ESCO1: variants seen among roughly 807,000 people sequenced by gnomAD.
ESCO1 encodes the protein establishment of sister chromatid cohesion N-acetyltransferase 1.
Under a neutral mutation model 83.5 loss-of-function variants are expected in ESCO1, and 33 were observed. The observed-to-expected ratio is 0.40, with a 90% CI of 0.30 to 0.53. The LOEUF is 0.53. Among genes scored for constraint, ESCO1 ranks in the 20% least tolerant of loss-of-function variants. The pLI, the probability that ESCO1 is intolerant of heterozygous loss-of-function variation, is 0.63. For synonymous variants in ESCO1, 332 were observed against 324.3 expected, an observed-to-expected ratio of 1.02 and a Z score of -0.25; for missense variants, 855 against 968.0, an observed-to-expected ratio of 0.88 and a Z score of 1.55.
chr18:21,571,818 A>G (rs190338274), intron 4 of ESCO1, among the ~76,000 whole-genome samples: 2 of 152,324 alleles, frequency 1.3e-5, no homozygotes, highest in African/African-American at 4.8e-5. Context: ...CTCACTACTT[A>G]TTTCTAATTA....
At chr18:21,534,057 A>G (rs1187593990) in intron 10 of ESCO1, among the ~76,000 whole-genome samples, 1 of 152,216 alleles carries the variant, frequency 6.6e-6, no homozygotes, top group African/African-American at 2.4e-5. Context: ...CTGGGACTAC[A>G]GGTGCCACCA....
Position 21,530,460 on chromosome 18 carries a change from G to T in ESCO1, c.2406C>A (p.Ser802Arg). 1 of 1,461,692 alleles carries T rather than the reference G, an allele frequency of 6.8e-7. No homozygotes were observed. Among genetic ancestry groups the T allele is most frequent in the South Asian group, 1.1e-5 (1 of 88,044 alleles). 90.5% of individuals were successfully genotyped at this position (1,461,692 alleles called of 1,614,324 possible). A position where few individuals can be genotyped will look rare whatever the true frequency, so the allele number is the denominator to read the frequency against. ...RSNFIYGSYLSKEEIAFSDPT... is the reference protein window; with the variant it reads ...RSNFIYGSYLRKEEIAFSDPT... ...GATCTGAGAAAGCAATTTCTTCTTTGCTCAAATATGAGCCATATATAAAGT... is the reference window on the plus strand; with the variant it reads ...GATCTGAGAAAGCAATTTCTTCTTTTCTCAAATATGAGCCATATATAAAGT... The change falls in exon 12 of 12, where the codon AGC (serine) becomes AGA (arginine). Residue 802 changes from serine to arginine, a missense_variant. Physicochemically the swap from Ser to Arg is moderately radical, Grantham distance 110. This residue lies in a region of ESCO1 where 129 missense variants were observed against 268.5 expected (regional missense o/e 0.48). Coordinates refer to ENST00000269214, the MANE Select transcript of ESCO1 (RefSeq NM_052911.3).
At chr18:21,561,837 G>A (rs769251645) in intron 7 of ESCO1, among the ~76,000 whole-genome samples, 3 of 152,034 alleles carry the variant, frequency 2.0e-5, no homozygotes, top group African/African-American at 4.8e-5. Context: ...TAAAGTGCTA[G>A]GATTACAGGT....
intron 8 of ESCO1, among the ~76,000 whole-genome samples, chr18:21,553,383 G>C (rs866865108): frequency 2.8e-5 from 4 of 142,330 alleles, no homozygotes; most frequent in Admixed American, 2.3e-4. Flanking sequence ...AAGGCAGGTG[G>C]ATCACTTGCA....
chr18:21,597,869 C>G (rs1175185664), intron 1 of ESCO1, among the ~76,000 whole-genome samples: 3 of 152,128 alleles, frequency 2.0e-5, no homozygotes, highest in African/African-American at 7.2e-5. Context: ...TATGCCCCTT[C>G]CCCTCAGGAA....
chr18:21,540,551 A>G (rs775518432), intron 8 of ESCO1: 6 of 1,301,082 alleles, frequency 4.6e-6, no homozygotes, highest in East Asian at 9.6e-5. Context: ...AAGCCACAAG[A>G]AGGAGACTAT....
intron 9 of ESCO1, among the ~76,000 whole-genome samples, chr18:21,538,448 A>G (rs1421636906): frequency 6.6e-6 from 1 of 152,198 alleles, no homozygotes; most frequent in Non-Finnish European, 1.5e-5. Context: ...TGTTTCAAAT[A>G]CAAGACAGGT....
intron 8 of ESCO1, among the ~76,000 whole-genome samples, chr18:21,545,409 C>T (rs556691037): frequency 6.6e-6 from 1 of 150,846 alleles, no homozygotes; most frequent in East Asian, 2.0e-4. Context: ...CCCGTCTCTA[C>T]TAAAAATACA....
At chr18:21,588,179 T>G (rs1037569741) in intron 1 of ESCO1, among the ~76,000 whole-genome samples, 4 of 151,018 alleles carry the variant, frequency 2.6e-5, no homozygotes, top group African/African-American at 9.7e-5. Flanking sequence ...AAAACCACGT[T>G]AATGTGTGAT....
chr18:21,564,112 T>G, intron 7 of ESCO1, 91 bp downstream of exon 7: 1 of 845,098 alleles, frequency 1.2e-6, no homozygotes, highest in South Asian at 1.6e-5. Flanking sequence ...CTATAAAAAT[T>G]ACCAACCTCA....
chr18:21,564,278 G>A lies in ESCO1; in HGVS notation c.1746C>T (p.Ser582=), dbSNP rs2038228719. ...PRNHSLPKCN[S]HLEITIPKDL... is the part of the protein sequence containing the mutation. ...CCTTTGGAATTGTTATCTCCAAATG[G>A]GAATTACACTTAGGCAAAGAATGAT... The change falls in exon 7 of 12, where the codon TCC becomes TCT. Residue 582 remains serine (S), a synonymous_variant. Transcript: ENST00000269214. 6.2e-7 allele frequency: 1 copy of A among 1,611,434 alleles called. No homozygotes were observed. The highest frequency in any genetic ancestry group is 1.1e-5 in the South Asian group (1 of 90,484).
At chr18:21,581,325 G>GA (rs879508167) in intron 2 of ESCO1, among the ~76,000 whole-genome samples, 132 of 132,408 alleles carry the variant, frequency 1.0e-3, no homozygotes, top group African/African-American at 2.1e-3. Flanking sequence ...CATCTCAAAA[G>GA]AAAAAAAAAA....
intron 4 of ESCO1, 151 bp from the exon 5 acceptor site, chr18:21,568,245 G>T (rs532126958): frequency 5.1e-5 from 31 of 612,732 alleles, no homozygotes; most frequent in Admixed American, 1.4e-4. Context: ...CTTGCTACAA[G>T]CTACCCTCTC....
intron 4 of ESCO1, 152 bp from the exon 5 acceptor site, chr18:21,568,246 C>A: frequency 1.6e-6 from 1 of 612,124 alleles, no homozygotes; most frequent in South Asian, 2.0e-5. Context: ...TTGCTACAAG[C>A]TACCCTCTCA....
chr18:21,563,735 A>T (rs1306420165), intron 7 of ESCO1, among the ~76,000 whole-genome samples: 1 of 152,188 alleles, frequency 6.6e-6, no homozygotes, highest in Admixed American at 6.5e-5. Flanking sequence ...CCTTGCATAA[A>T]TACAATGCTG....
intron 8 of ESCO1, among the ~76,000 whole-genome samples, chr18:21,554,021 T>C (rs975408519): frequency 2.0e-5 from 3 of 151,608 alleles, no homozygotes; most frequent in African/African-American, 4.9e-5. Flanking sequence ...GATATACAAA[T>C]GGAAAATAAA....
At chr18:21,564,095 C>T in intron 7 of ESCO1, 108 bp downstream of exon 7, 1 of 748,620 alleles carries the variant, frequency 1.3e-6, no homozygotes, top group South Asian at 1.7e-5. Context: ...CCAAATAAAC[C>T]TCTTTTCTAT....
chr18:21,547,185 A>G (rs774650417), intron 8 of ESCO1, among the ~76,000 whole-genome samples: 1 of 152,168 alleles, frequency 6.6e-6, no homozygotes, highest in Non-Finnish European at 1.5e-5. Context: ...CATTTTCCAC[A>G]CTATTTAAAT....
intron 9 of ESCO1, 110 bp from the exon 10 acceptor site, chr18:21,536,295 A>AATTT: frequency 2.4e-6 from 3 of 1,257,052 alleles, no homozygotes; most frequent in Non-Finnish European, 3.2e-6. Context: ...GCATCCTCTA[A>AATTT]AGAGTTCTTT....
Sources: gnomAD v4.1 joint callset for allele counts (sites outside exome capture counted in the v4.1 genomes callset) on GRCh38, gnomAD v4.1.1 for gene constraint, gnomAD v4.1.1 regional missense constraint, MANE v1.5 for transcripts, NCBI Gene and HGNC (gene_info 2026-07-23, HGNC 2026-07-21) for gene names.